CACNA2D1: variants seen among roughly 807,000 people sequenced by gnomAD.
CACNA2D1 encodes voltage-dependent calcium channel subunit alpha-2/delta-1.
Under a neutral mutation model 171.5 loss-of-function variants are expected in CACNA2D1, and 53 were observed. The observed-to-expected ratio is 0.31, with a 90% CI of 0.25 to 0.39. CACNA2D1 has a LOEUF of 0.39. CACNA2D1 is among the 10% of genes least tolerant of loss of function. The probability of loss-of-function intolerance (pLI) is 1.00; values close to 1 mark genes in which losing one functional copy is unlikely to be tolerated. For synonymous variants in CACNA2D1, 442 were observed against 443.1 expected (o/e 1.00, Z 0.03); for missense variants, 903 against 1,299.8 (o/e 0.69, Z 4.69).
rs188881761 is a variant in CACNA2D1, at chr7:82,034,881, C to T, written c.1039-1980G>A. On this transcript the variant is annotated intron_variant, in intron 11 of 38. Transcript: ENST00000356860. ...CCCGAGAGAGAGATGTTAGGGCATA[C>T]ACAAAAGAAGGAATATGGGGAAAAT... Among the ~76,000 whole-genome samples the T allele has an allele frequency of 3.7e-3, 562 of 152,054 alleles. 5 individuals carry two copies. Among genetic ancestry groups the T allele is most frequent in the African/African-American group, 0.013 (537 of 41,518 alleles).
chr7:82,107,586 C>CTTTTT (rs72498624), intron 6 of CACNA2D1, among the ~76,000 whole-genome samples: 6,970 of 135,470 alleles, frequency 0.051, 309 homozygotes, highest in South Asian at 0.11. Context: ...TGAAAATAAA[C>CTTTTT]TTTTTTTTTT....
At chr7:82,375,818 A>T (rs1320204992) in intron 1 of CACNA2D1, among the ~76,000 whole-genome samples, 1 of 152,134 alleles carries the variant, frequency 6.6e-6, no homozygotes, top group Non-Finnish European at 1.5e-5. Context: ...CACAGCCCCA[A>T]ACAGCATGTC....
At chr7:82,296,694 C>T (rs978183093) in intron 3 of CACNA2D1, among the ~76,000 whole-genome samples, 1 of 152,100 alleles carries the variant, frequency 6.6e-6, no homozygotes, top group African/African-American at 2.4e-5. Context: ...TATGTATTAC[C>T]ACTGTATGTG....
chr7:82,350,661 T>A (rs1467256150), intron 1 of CACNA2D1, among the ~76,000 whole-genome samples: 1 of 152,066 alleles, frequency 6.6e-6, no homozygotes, highest in East Asian at 1.9e-4. Flanking sequence ...TGAGACTCCG[T>A]CTCAAAAAAA....
At position 82,050,604 on chromosome 7, in the gene CACNA2D1, G is replaced by A. The variant is rs756473506; in HGVS notation, c.879+9824C>T. 14 of 702,790 alleles carry A rather than the reference G, an allele frequency of 2.0e-5. 1 individual carries two copies. The South Asian group carries it at 2.1e-4, about 10-fold the overall frequency. 43.5% of individuals were successfully genotyped at this position (702,790 alleles called of 1,614,324 possible). A position where few individuals can be genotyped will look rare whatever the true frequency, so the allele number is the denominator to read the frequency against. ...TACTCTGCATTGAAAATCTCTTCGG[G>A]AGAAGGAGAAATCTCTTTACTATCC... On this transcript the variant is annotated intron_variant, in intron 10 of 38. Coordinates refer to ENST00000356860, the MANE Select transcript of CACNA2D1 (RefSeq NM_000722.4).
chr7:81,962,506 CA>C lies in CACNA2D1; in HGVS notation c.2781-12del. 6.5e-7 allele frequency: 1 copy of C among 1,546,894 alleles called. No homozygotes were observed. Among genetic ancestry groups the C allele is most frequent in the Non-Finnish European group, 8.8e-7 (1 of 1,134,928 alleles). ...TGCTGTAGAATAGACCTGAATTTTT[CA>C]AATAAAAAAAAAATAAACATCTAGG... On this transcript the variant is annotated splice_polypyrimidine_tract_variant and intron_variant, in intron 34 of 38. Transcript: ENST00000356860.
chr7:82,177,294 A>G (rs1441300527), intron 3 of CACNA2D1, among the ~76,000 whole-genome samples: 2 of 152,046 alleles, frequency 1.3e-5, no homozygotes, highest in Non-Finnish European at 2.9e-5. Context: ...CAGAGCAATC[A>G]CCATAATAAA....
intron 16 of CACNA2D1, among the ~76,000 whole-genome samples, chr7:82,006,675 A>G (rs1799152840): frequency 3.3e-5 from 5 of 152,236 alleles, no homozygotes; most frequent in African/African-American, 9.6e-5. Context: ...AAACTTCCCA[A>G]CTGAAGCAAT....
At chr7:82,172,643 T>TTTTTTTTTTTTTTATAAA (rs1796148424) in intron 3 of CACNA2D1, among the ~76,000 whole-genome samples, 1 of 93,552 alleles carries the variant, frequency 1.1e-5, no homozygotes, top group African/African-American at 4.1e-5. Flanking sequence ...TTTTTTTTGG[T>TTTTTTTTTTTTTTATAAA]AAAGATGGGG....
At chr7:82,034,199 C>A (rs371671501) in intron 11 of CACNA2D1, among the ~76,000 whole-genome samples, 10 of 152,146 alleles carry the variant, frequency 6.6e-5, no homozygotes, top group Non-Finnish European at 7.4e-5. Flanking sequence ...TGCTCACTAG[C>A]CACCTGTGAT....
chr7:82,209,378 T>G (rs1800329841), intron 3 of CACNA2D1, among the ~76,000 whole-genome samples: 1 of 152,164 alleles, frequency 6.6e-6, no homozygotes, highest in African/African-American at 2.4e-5. Context: ...TAAGATGTCC[T>G]AAGAATTCCC....
At chr7:82,142,846 G>A (rs913212177) in intron 4 of CACNA2D1, among the ~76,000 whole-genome samples, 3 of 148,284 alleles carry the variant, frequency 2.0e-5, no homozygotes, top group Admixed American at 1.3e-4. Flanking sequence ...ATTCATGCCA[G>A]CCAACATCTA....
At chr7:82,212,322 G>C (rs1800642970) in intron 3 of CACNA2D1, among the ~76,000 whole-genome samples, 1 of 152,124 alleles carries the variant, frequency 6.6e-6, no homozygotes, top group Non-Finnish European at 1.5e-5. Flanking sequence ...TGTATTCCAT[G>C]CAATGTTTAG....
Position 82,443,745 on chromosome 7 carries a change from C to G in CACNA2D1, c.-286G>C, listed in dbSNP as rs572333622. 2.8e-4 allele frequency: 339 copies of G among 1,199,786 alleles called. 1 individual carries two copies. The African/African-American group carries it at 4.8e-3, about 17-fold the overall frequency. 74.3% of individuals were successfully genotyped at this position (1,199,786 alleles called of 1,614,324 possible). A position where few individuals can be genotyped will look rare whatever the true frequency, so the allele number is the denominator to read the frequency against. Reference sequence around the variant, plus strand: ...CAAGGGCGACTTTGGAAACAGACCTCGGCGAGCCCGCCGGCGCTCGCGCGC... The same window carrying G: ...CAAGGGCGACTTTGGAAACAGACCTGGGCGAGCCCGCCGGCGCTCGCGCGC... On this transcript the variant is annotated 5_prime_UTR_variant, in exon 1 of 39. Transcript: ENST00000356860.
At chr7:82,360,377 T>C (rs1482519666) in intron 1 of CACNA2D1, among the ~76,000 whole-genome samples, 1 of 152,162 alleles carries the variant, frequency 6.6e-6, no homozygotes, top group Non-Finnish European at 1.5e-5. Context: ...TCAGTGGAAA[T>C]ACATGCATAT....
chr7:82,065,893 T>C (rs1458990399), intron 8 of CACNA2D1, among the ~76,000 whole-genome samples: 2 of 152,176 alleles, frequency 1.3e-5, no homozygotes, highest in African/African-American at 4.8e-5. Context: ...AATTAATAGT[T>C]TTAAAAAACC....
At chr7:81,982,900 T>C (rs1796584609) in intron 23 of CACNA2D1, 1 of 543,338 alleles carries the variant, frequency 1.8e-6, no homozygotes, top group South Asian at 2.2e-5. Context: ...AACCCTACTA[T>C]AACCGAATAT....
chr7:81,971,599 A>G (rs1795280751), intron 26 of CACNA2D1, among the ~76,000 whole-genome samples, 178 bp downstream of exon 26: 1 of 151,758 alleles, frequency 6.6e-6, no homozygotes, highest in Admixed American at 6.6e-5. Context: ...AGACATTAGT[A>G]CTGAAAAACA....
At chr7:81,964,922 TA>T (rs1056225652) in intron 32 of CACNA2D1, among the ~76,000 whole-genome samples, 6 of 151,112 alleles carry the variant, frequency 4.0e-5, no homozygotes, top group African/African-American at 1.5e-4. Flanking sequence ...ACATATACAA[TA>T]AAAAAAAGAT....
Sources: gnomAD v4.1 joint callset for allele counts (sites outside exome capture counted in the v4.1 genomes callset) on GRCh38, gnomAD v4.1.1 for gene constraint, MANE v1.5 for transcripts, NCBI Gene and HGNC (gene_info 2026-07-23, HGNC 2026-07-21) for gene names.